CDH18: variants seen among roughly 807,000 people sequenced by gnomAD.
CDH18 encodes cadherin-18.
Under a neutral mutation model 67.9 loss-of-function variants are expected in CDH18, and 31 were observed. The ratio of observed to expected loss-of-function variants is 0.46; its 90% CI spans 0.34 to 0.62. The LOEUF (loss-of-function observed/expected upper bound fraction) is 0.62, where lower values mean the gene tolerates loss of function less well. Among genes scored for constraint, CDH18 ranks in the 20% least tolerant of loss-of-function variants. The probability of loss-of-function intolerance (pLI) is 0.01; values close to 1 mark genes in which losing one functional copy is unlikely to be tolerated. For synonymous variants in CDH18, 362 were observed against 347.2 expected (o/e 1.04, Z -0.48); for missense variants, 890 against 975.5 (o/e 0.91, Z 1.17).
chr5:19,819,354 G>A (rs905355656), intron 3 of CDH18, among the ~76,000 whole-genome samples: 6 of 152,130 alleles, frequency 3.9e-5, no homozygotes, highest in African/African-American at 1.4e-4. Flanking sequence ...GACACAGCCA[G>A]GAGATGTCTC....
chr5:20,199,165 A>G (rs1282767813), intron 2 of CDH18, among the ~76,000 whole-genome samples: 1 of 152,124 alleles, frequency 6.6e-6, no homozygotes, highest in African/African-American at 2.4e-5. Flanking sequence ...CAGATCTTAG[A>G]ATGAGAGCTC....
intron 1 of CDH18, among the ~76,000 whole-genome samples, chr5:20,326,248 C>G (rs576858957): frequency 2.0e-5 from 3 of 152,294 alleles, no homozygotes; most frequent in African/African-American, 7.2e-5. Flanking sequence ...ACCAATGACT[C>G]TAATGTGCAA....
Position 19,721,414 on chromosome 5 carries a change from T to A in CDH18, c.576A>T (p.Gly192=). ...TGCTGTAAACCACCCGAGCGCTGTT[T>A]CCATAGGTAGGGTCATCTGCATCAG... The part of the protein sequence containing the change: ...TATDADDPTY[G]NSARVVYSIL... The change falls in exon 5 of 13, where the codon GGA becomes GGT. Residue 192 remains glycine (G), a synonymous_variant. Coordinates refer to ENST00000382275, the MANE Select transcript of CDH18 (RefSeq NM_004934.5). The A allele has an allele frequency of 6.2e-7, 1 of 1,611,166 alleles. No homozygotes were observed. The highest frequency in any genetic ancestry group is 8.5e-7 in the Non-Finnish European group (1 of 1,177,724).
intron 11 of CDH18, among the ~76,000 whole-genome samples, chr5:19,489,452 T>C (rs1478539412): frequency 2.0e-5 from 3 of 151,918 alleles, no homozygotes; most frequent in Admixed American, 6.6e-5. Context: ...TTTCACCATG[T>C]TGGCCAGGCT....
At chr5:20,126,696 A>C (rs1748858804) in intron 2 of CDH18, among the ~76,000 whole-genome samples, 1 of 152,212 alleles carries the variant, frequency 6.6e-6, no homozygotes. Context: ...CAAATGACCA[A>C]TAAGTATATT....
intron 2 of CDH18, among the ~76,000 whole-genome samples, chr5:20,251,297 A>T (rs1198127852): frequency 6.6e-6 from 1 of 152,120 alleles, no homozygotes; most frequent in East Asian, 1.9e-4. Context: ...AGGAAGGTTG[A>T]TGCAATTTTT....
rs1177187980 is a variant in CDH18 at position 19,537,960 on chromosome 5, T to C, written c.1390+5909A>G. ...CAGAAAATTTTAAGAGGTAAAAGAA[T>C]GATGAACATAGTCAAATGTCACAAA... On this transcript the variant is annotated intron_variant, in intron 9 of 12. Transcript: ENST00000382275. 2.0e-5 allele frequency among the ~76,000 whole-genome samples: 3 copies of C among 152,160 alleles called. 1 individual carries two copies. The highest frequency in any genetic ancestry group is 7.2e-5 in the African/African-American group (3 of 41,444).
At chr5:20,018,579 T>C (rs1561717910) in intron 2 of CDH18, among the ~76,000 whole-genome samples, 1 of 151,436 alleles carries the variant, frequency 6.6e-6, no homozygotes. Flanking sequence ...AAGAAAATGA[T>C]AAAAAATATG....
In CDH18 at chr5:19,922,624, C is replaced by T. The variant is rs181964885; in HGVS notation, c.-257+58436G>A. On this transcript the variant is annotated intron_variant, in intron 2 of 12. Coordinates refer to ENST00000382275, the MANE Select transcript of CDH18 (RefSeq NM_004934.5). ...ACAGAAAAAGTGTAAAATCACTGAG[C>T]TGCTATGTACTTGGGTGAATTTACT... Among the ~76,000 whole-genome samples, 27 of 152,266 alleles carry T rather than the reference C, an allele frequency of 1.8e-4. No individual in the cohort carries two copies. In the East Asian group the frequency reaches 5.2e-3, roughly 29 times the overall value.
At chr5:20,094,212 T>C (rs1054619663) in intron 2 of CDH18, among the ~76,000 whole-genome samples, 5 of 152,222 alleles carry the variant, frequency 3.3e-5, no homozygotes, top group Non-Finnish European at 7.3e-5. Context: ...ATGTTCCTCC[T>C]GTCTAGCCAC....
At chr5:20,209,814 G>A (rs906187549) in intron 2 of CDH18, among the ~76,000 whole-genome samples, 10 of 135,752 alleles carry the variant, frequency 7.4e-5, no homozygotes, top group Admixed American at 5.0e-4. Context: ...CCCAATTACC[G>A]TGATTTGATA....
chr5:19,666,146 T>G (rs1158944430), intron 5 of CDH18, among the ~76,000 whole-genome samples: 1 of 151,516 alleles, frequency 6.6e-6, no homozygotes, highest in Non-Finnish European at 1.5e-5. Flanking sequence ...CATAGCTCCC[T>G]ACAGCCTCAG....
chr5:19,812,112 T>G (rs1289189425), intron 3 of CDH18, among the ~76,000 whole-genome samples: 1 of 152,180 alleles, frequency 6.6e-6, no homozygotes, highest in Non-Finnish European at 1.5e-5. Context: ...AAGTAATTAG[T>G]GTTTAAATAT....
At chr5:19,527,098 G>C (rs80138951) in intron 9 of CDH18, among the ~76,000 whole-genome samples, 2,948 of 151,822 alleles carry the variant, frequency 0.019, 78 homozygotes, top group African/African-American at 0.066. Context: ...ACATTTTAAC[G>C]TGCTTGGTTA....
At chr5:19,683,466 C>G (rs1201873353) in intron 5 of CDH18, among the ~76,000 whole-genome samples, 2 of 151,876 alleles carry the variant, frequency 1.3e-5, no homozygotes, top group Non-Finnish European at 2.9e-5. Flanking sequence ...TGTGGTCTTG[C>G]TAGGATGGGG....
chr5:19,965,271 T>C (rs193158449), intron 2 of CDH18, among the ~76,000 whole-genome samples: 336 of 152,304 alleles, frequency 2.2e-3, no homozygotes, highest in Non-Finnish European at 4.0e-3. Flanking sequence ...TCTGGAAATG[T>C]ATAATAAACA....
At chr5:19,954,922 G>A (rs961413749) in intron 2 of CDH18, among the ~76,000 whole-genome samples, 1 of 152,000 alleles carries the variant, frequency 6.6e-6, no homozygotes, top group Non-Finnish European at 1.5e-5. Context: ...GAGATAGTGA[G>A]TGATATCTTT....
intron 1 of CDH18, among the ~76,000 whole-genome samples, chr5:20,310,684 A>G (rs931238401): frequency 6.6e-6 from 1 of 152,194 alleles, no homozygotes; most frequent in Admixed American, 6.5e-5. Flanking sequence ...AGCCAATTCC[A>G]TTAACATTTT....
chr5:20,156,457 C>T (rs1394666097), intron 2 of CDH18, among the ~76,000 whole-genome samples: 1 of 152,076 alleles, frequency 6.6e-6, no homozygotes, highest in African/African-American at 2.4e-5. Context: ...AGCCCATTAT[C>T]CTAAGAGAAA....
Sources: allele counts gnomAD v4.1 joint callset (sites outside exome capture counted in the v4.1 genomes callset), GRCh38; gene constraint gnomAD v4.1.1; transcripts MANE v1.5; gene names NCBI Gene and HGNC (gene_info 2026-07-23, HGNC 2026-07-21).